FSTL5: variants seen among roughly 807,000 people sequenced by gnomAD.
FSTL5 encodes follistatin like 5, also known as follistatin-related protein 5.
A neutral mutation model predicts 89.1 loss-of-function variants in FSTL5; 62 were observed. The observed-to-expected ratio is 0.70, with a 90% confidence interval of 0.57 to 0.86. The LOEUF (loss-of-function observed/expected upper bound fraction) is 0.86. Ranked by LOEUF, FSTL5 falls within the 40% of genes least tolerant of loss-of-function variation. The pLI is 0.00. For synonymous variants in FSTL5, 383 were observed against 346.2 expected (o/e 1.11, Z -1.18); for missense variants, 1,057 against 1,001.6 (o/e 1.06, Z -0.75).
intron 2 of FSTL5, among the ~76,000 whole-genome samples, chr4:162,055,310 A>C (rs1738502627): frequency 1.3e-5 from 2 of 151,806 alleles, no homozygotes; most frequent in African/African-American, 4.8e-5. Context: ...TATACAAATG[A>C]ATTACATGCT....
intron 7 of FSTL5, among the ~76,000 whole-genome samples, chr4:161,609,727 T>C (rs1734575022): frequency 6.6e-6 from 1 of 152,136 alleles, no homozygotes; most frequent in Non-Finnish European, 1.5e-5. Context: ...GCAAGCAGCA[T>C]GAGCTTCATA....
chr4:161,617,697 CA>C (rs1024936147), intron 7 of FSTL5, among the ~76,000 whole-genome samples: 37 of 151,674 alleles, frequency 2.4e-4, no homozygotes, highest in South Asian at 4.2e-4. Flanking sequence ...TAGGGAGAAA[CA>C]AAAAAGACCT....
At chr4:161,532,854 A>C (rs1473299009) in intron 10 of FSTL5, among the ~76,000 whole-genome samples, 3 of 152,198 alleles carry the variant, frequency 2.0e-5, no homozygotes, top group Non-Finnish European at 4.4e-5. Flanking sequence ...TAAATGCAAA[A>C]AAATCAAAAT....
Position 161,400,603 on chromosome 4 carries a change from G to C in FSTL5, c.1842-14154C>G, listed in dbSNP as rs534666355. Reference sequence around the variant, plus strand: ...TAAAAAGATTCCTTACAGTATAAATGAATCAATGAGGTAATGATAGAACTA... The same window carrying C: ...TAAAAAGATTCCTTACAGTATAAATCAATCAATGAGGTAATGATAGAACTA... On this transcript the variant is annotated intron_variant, in intron 15 of 15. Coordinates refer to ENST00000306100, the MANE Select transcript of FSTL5 (RefSeq NM_020116.5). 3.3e-5 allele frequency among the ~76,000 whole-genome samples: 5 copies of C among 152,092 alleles called. No homozygotes were observed. The East Asian group carries it at 5.8e-4, about 18-fold the overall frequency.
chr4:161,961,104 C>T (rs544884579), intron 3 of FSTL5, among the ~76,000 whole-genome samples: 2 of 151,804 alleles, frequency 1.3e-5, no homozygotes, highest in Non-Finnish European at 2.9e-5. Context: ...TAGATAACTT[C>T]GATTATATCT....
chr4:161,519,708 A>G (rs1449208702), intron 10 of FSTL5, among the ~76,000 whole-genome samples: 1 of 152,184 alleles, frequency 6.6e-6, no homozygotes, highest in Non-Finnish European at 1.5e-5. Flanking sequence ...AATGAGTGTG[A>G]TTTTTTACAT....
At chr4:161,809,851 T>C (rs1450957423) in intron 4 of FSTL5, among the ~76,000 whole-genome samples, 4 of 152,174 alleles carry the variant, frequency 2.6e-5, no homozygotes, top group Non-Finnish European at 4.4e-5. Context: ...TAAATTAATA[T>C]TTAATAGGTA....
At chr4:161,588,762 A>T (rs530980508) in intron 7 of FSTL5, among the ~76,000 whole-genome samples, 121 of 152,270 alleles carry the variant, frequency 7.9e-4, no homozygotes, top group African/African-American at 2.8e-3. Flanking sequence ...CCACAGCTGC[A>T]TGGTGGCCTT....
intron 8 of FSTL5, among the ~76,000 whole-genome samples, chr4:161,572,868 CT>C (rs1185015963): frequency 2.0e-5 from 3 of 152,060 alleles, no homozygotes. Context: ...ATGGTTTAAA[CT>C]GCTACAATAA....
At chr4:161,830,223 G>T (rs1335267649) in intron 4 of FSTL5, among the ~76,000 whole-genome samples, 1 of 151,934 alleles carries the variant, frequency 6.6e-6, no homozygotes, top group Non-Finnish European at 1.5e-5. Context: ...TCTTTGCACT[G>T]CTGGAACACC....
At chr4:161,724,848 C>T (rs1297077456) in intron 6 of FSTL5, among the ~76,000 whole-genome samples, 3 of 151,954 alleles carry the variant, frequency 2.0e-5, no homozygotes, top group Admixed American at 6.6e-5. Context: ...AGATATAAAC[C>T]CATATACTTC....
chr4:161,626,318 A>C (rs947280136), intron 7 of FSTL5, among the ~76,000 whole-genome samples: 1 of 152,144 alleles, frequency 6.6e-6, no homozygotes, highest in African/African-American at 2.4e-5. Context: ...ATTGAAGCCA[A>C]TGCTTATTTA....
Position 161,469,310 on chromosome 4 carries a change from T to G in FSTL5, c.1609-9991A>C, listed in dbSNP as rs552675751. 3.3e-5 allele frequency among the ~76,000 whole-genome samples: 5 copies of G among 152,362 alleles called. No homozygotes were observed. The East Asian group carries it at 9.6e-4, about 29-fold the overall frequency. On this transcript the variant is annotated intron_variant, in intron 13 of 15. Coordinates refer to ENST00000306100, the MANE Select transcript of FSTL5 (RefSeq NM_020116.5). ...TTGCATTTATAAAGCATATTTTATC[T>G]ATTCATCTGTCAACAGACACTTGAG...
chr4:161,597,886 T>C (rs1237631349), intron 7 of FSTL5, among the ~76,000 whole-genome samples: 1 of 152,108 alleles, frequency 6.6e-6, no homozygotes, highest in African/African-American at 2.4e-5. Context: ...ACAATAGCTA[T>C]AAGAGATCAC....
chr4:161,885,613 T>C (rs1181493636), intron 4 of FSTL5, among the ~76,000 whole-genome samples: 1 of 151,922 alleles, frequency 6.6e-6, no homozygotes, highest in African/African-American at 2.4e-5. Context: ...GCCCAGCTAA[T>C]TTTTTGTATT....
At chr4:161,697,280 G>T (rs1232023251) in intron 6 of FSTL5, among the ~76,000 whole-genome samples, 1 of 152,106 alleles carries the variant, frequency 6.6e-6, no homozygotes, top group African/African-American at 2.4e-5. Flanking sequence ...GCCCTGTCCT[G>T]ATCACTACAA....
intron 15 of FSTL5, among the ~76,000 whole-genome samples, chr4:161,429,022 A>G (rs529212612): frequency 6.6e-6 from 1 of 152,212 alleles, no homozygotes; most frequent in East Asian, 2.0e-4. Context: ...TCCCAGGCCT[A>G]GCAGCACTTA....
At chr4:161,483,672 GAT>G (rs562132577) in intron 12 of FSTL5, among the ~76,000 whole-genome samples, 10 of 151,962 alleles carry the variant, frequency 6.6e-5, no homozygotes, top group Non-Finnish European at 1.5e-4. Flanking sequence ...TATTTTCTCA[GAT>G]TAACATTGAT....
At chr4:161,542,726 G>C in intron 8 of FSTL5, 33 bp from the exon 9 acceptor site, 1 of 1,348,628 alleles carries the variant, frequency 7.4e-7, no homozygotes, top group South Asian at 2.0e-5. Flanking sequence ...AAGTGAATTA[G>C]TGATTCATAT....
Sources: allele counts gnomAD v4.1 joint callset (sites outside exome capture counted in the v4.1 genomes callset), GRCh38; gene constraint gnomAD v4.1.1; transcripts MANE v1.5; gene names NCBI Gene and HGNC (gene_info 2026-07-23, HGNC 2026-07-21).